Variants in FANCL observed in about 807,000 individuals in gnomAD.
FANCL encodes FA complementation group L, also known as E3 ubiquitin-protein ligase FANCL.
FANCL carries 69 observed loss-of-function variants against 59.4 expected under a neutral mutation model. The ratio of observed to expected loss-of-function variants is 1.16; its 90% CI spans 0.96 to 1.42. The LOEUF is 1.42. FANCL is among the 40% of genes most tolerant of loss of function. The pLI is 0.00. For missense variants in FANCL, 519 were observed against 447.2 expected (o/e 1.16, Z -1.45); for synonymous variants, 180 against 147.1 (o/e 1.22, Z -1.62).
chr2:58,166,626 T>C (rs1318261779), intron 7 of FANCL, among the ~76,000 whole-genome samples: 1 of 152,214 alleles, frequency 6.6e-6, no homozygotes, highest in African/African-American at 2.4e-5. Flanking sequence ...CTAAATACTT[T>C]TGATACAAAA....
intron 6 of FANCL, among the ~76,000 whole-genome samples, chr2:58,199,438 A>G (rs1238457522): frequency 6.6e-6 from 1 of 152,224 alleles, no homozygotes; most frequent in East Asian, 1.9e-4. Context: ...ATAGCTGTCA[A>G]TTTAAAAAAT....
chr2:58,173,602 C>A (rs1345248624), intron 7 of FANCL, among the ~76,000 whole-genome samples: 1 of 152,068 alleles, frequency 6.6e-6, no homozygotes, highest in Admixed American at 6.5e-5. Context: ...ATTTTGTCAC[C>A]ACCAGGCCTG....
At chr2:58,220,994 C>T (rs904064619) in intron 5 of FANCL, among the ~76,000 whole-genome samples, 1 of 152,022 alleles carries the variant, frequency 6.6e-6, no homozygotes, top group Non-Finnish European at 1.5e-5. Context: ...GGGCGGATCA[C>T]GAGGTCAGGA....
chr2:58,179,001 A>G (rs1160637245), intron 7 of FANCL, among the ~76,000 whole-genome samples: 1 of 152,202 alleles, frequency 6.6e-6, no homozygotes, highest in Admixed American at 6.5e-5. Flanking sequence ...AAGCGAAGAA[A>G]ATACCTAGGA....
In FANCL at chr2:58,229,831, G is replaced by A; in HGVS notation, c.199C>T (p.His67Tyr). ...WQLRTILSGY[H>Y]RIVQQRMQHS... The stretch of plus-strand genomic sequence containing the variant: ...GGACTTACCTGTTGTACTATTCGAT[G>A]GTATCCACTAAGTATTGTTCTCAGC... The change falls in exon 3 of 14, where the codon CAT (histidine) becomes TAT (tyrosine). Residue 67 changes from histidine (H) to tyrosine (Y), a missense_variant. Coordinates refer to ENST00000233741, the MANE Select transcript of FANCL (RefSeq NM_018062.4). 1 of 1,609,866 alleles carries A rather than the reference G, an allele frequency of 6.2e-7. No homozygotes were observed. Among genetic ancestry groups the A allele is most frequent in the Non-Finnish European group, 8.5e-7 (1 of 1,176,408 alleles).
chr2:58,222,377 TATG>T (rs1188336143), intron 4 of FANCL, among the ~76,000 whole-genome samples: 1 of 152,114 alleles, frequency 6.6e-6, no homozygotes, highest in Non-Finnish European at 1.5e-5. Flanking sequence ...TTCCCATGAA[TATG>T]ATGTTTGATA....
intron 12 of FANCL, 119 bp from the exon 13 acceptor site, chr2:58,160,298 A>ATTTTTTTTTTTTTTTTTTTTTTTTTT (rs1558728380): frequency 9.3e-7 from 1 of 1,079,292 alleles, no homozygotes; most frequent in African/African-American, 1.6e-5. Flanking sequence ...ACTTAGCTTA[A>ATTTTTTTTTTTTTTTTTTTTTTTTTT]TTTTGTTTTG....
At chr2:58,207,664 G>C (rs914477718) in intron 5 of FANCL, among the ~76,000 whole-genome samples, 2 of 152,024 alleles carry the variant, frequency 1.3e-5, no homozygotes, top group Non-Finnish European at 2.9e-5. Flanking sequence ...ATCAATTTAT[G>C]ACAGAAAAAA....
At chr2:58,219,346 T>C (rs1001618608) in intron 5 of FANCL, among the ~76,000 whole-genome samples, 9 of 151,088 alleles carry the variant, frequency 6.0e-5, no homozygotes, top group Non-Finnish European at 1.2e-4. Flanking sequence ...CATGAGTCCA[T>C]AGTATTTCAA....
At chr2:58,195,898 T>G (rs1322722035) in intron 7 of FANCL, among the ~76,000 whole-genome samples, 6 of 152,058 alleles carry the variant, frequency 3.9e-5, no homozygotes, top group Admixed American at 3.9e-4. Flanking sequence ...AATCCAGCAT[T>G]TTCACTTCTA....
intron 7 of FANCL, among the ~76,000 whole-genome samples, chr2:58,192,125 T>A (rs553783651): frequency 6.6e-6 from 1 of 151,882 alleles, no homozygotes; most frequent in African/African-American, 2.4e-5. Flanking sequence ...ATGAAGGCAT[T>A]TGATTAAAAA....
intron 7 of FANCL, among the ~76,000 whole-genome samples, chr2:58,188,429 G>A (rs756229711): frequency 4.0e-5 from 6 of 151,338 alleles, no homozygotes; most frequent in South Asian, 2.1e-4. Flanking sequence ...TCTTAATTTC[G>A]GGGTTTTTTT....
chr2:58,164,818 G>T (rs1685719369), intron 8 of FANCL, among the ~76,000 whole-genome samples: 1 of 151,946 alleles, frequency 6.6e-6, no homozygotes, highest in Non-Finnish European at 1.5e-5. Context: ...AACACAGTTA[G>T]ACTTTTTGAA....
chr2:58,176,290 ATAT>A (rs1390574220), intron 7 of FANCL, among the ~76,000 whole-genome samples: 4 of 152,308 alleles, frequency 2.6e-5, no homozygotes, highest in Non-Finnish European at 5.9e-5. Flanking sequence ...TTTAAAGTTC[ATAT>A]GGAACCAAAA....
intron 5 of FANCL, among the ~76,000 whole-genome samples, chr2:58,213,134 G>A (rs1667589549): frequency 1.3e-5 from 2 of 152,136 alleles, no homozygotes; most frequent in South Asian, 2.1e-4. Flanking sequence ...AGAGTGTAAG[G>A]AAAATACAGA....
chr2:58,159,326 C>A lies in FANCL; in HGVS notation c.*439G>T. The A allele has an allele frequency of 6.5e-7, 1 of 1,549,686 alleles. No homozygotes were observed. The highest frequency in any genetic ancestry group is 8.7e-7 in the Non-Finnish European group (1 of 1,145,140). On this transcript the variant is annotated 3_prime_UTR_variant, in exon 14 of 14. Coordinates refer to ENST00000233741, the MANE Select transcript of FANCL (RefSeq NM_018062.4). ...GATAACTCACGTCTAACAAACTAAA[C>A]TATATATGTATTTTTTCCATAGGAA...
intron 5 of FANCL, among the ~76,000 whole-genome samples, chr2:58,206,612 CTCT>C (rs1213577318): frequency 6.6e-6 from 1 of 152,104 alleles, no homozygotes; most frequent in African/African-American, 2.4e-5. Flanking sequence ...GAAATAAAAG[CTCT>C]TTAGTTCTTT....
At chr2:58,192,823 G>GCTGTTTCC in intron 7 of FANCL, among the ~76,000 whole-genome samples, 1 of 152,006 alleles carries the variant, frequency 6.6e-6, no homozygotes, top group South Asian at 2.1e-4. Flanking sequence ...AGAAACAGGT[G>GCTGTTTCC]AGATGAAGGC....
chr2:58,236,381 A>AT (rs1471870758), intron 1 of FANCL, among the ~76,000 whole-genome samples: 1 of 151,970 alleles, frequency 6.6e-6, no homozygotes, highest in South Asian at 2.1e-4. Context: ...CCAATAGTGC[A>AT]TAAAAAATGG....
Sources: gnomAD v4.1 joint callset for allele counts (sites outside exome capture counted in the v4.1 genomes callset) on GRCh38, gnomAD v4.1.1 for gene constraint, MANE v1.5 for transcripts, NCBI Gene and HGNC (gene_info 2026-07-23, HGNC 2026-07-21) for gene names.